The following CNTNAP2 variants were observed in gnomAD, a reference collection of about 807,000 sequenced individuals.
CNTNAP2 encodes the protein contactin associated protein 2.
A neutral mutation model predicts 155.2 loss-of-function variants in CNTNAP2; 98 were observed. The ratio of observed to expected loss-of-function variants is 0.63; its 90% CI spans 0.54 to 0.75. The LOEUF is 0.75. Ranked by LOEUF, CNTNAP2 falls within the 30% of genes least tolerant of loss-of-function variation. The pLI is 0.00. For missense variants in CNTNAP2, 1,727 were observed against 1,688.1 expected (o/e 1.02, Z -0.40); for synonymous variants, 651 against 631.2 (o/e 1.03, Z -0.47).
At chr7:147,582,003 G>T (rs954391684) in intron 12 of CNTNAP2, among the ~76,000 whole-genome samples, 2 of 152,064 alleles carry the variant, frequency 1.3e-5, no homozygotes, top group Admixed American at 1.3e-4. Flanking sequence ...AGAAGAAAAA[G>T]ATATAAAGAA....
chr7:148,365,886 GTA>G lies in CNTNAP2; in HGVS notation c.3476-17761_3476-17760del, dbSNP rs1222526056. ...CATGTATGTGTATGCATGTATACATGTATGTGTATGCATGTATACATGCGTGT... is the reference window on the plus strand; with the variant it reads ...CATGTATGTGTATGCATGTATACATGTGTGTATGCATGTATACATGCGTGT... On this transcript the variant is annotated intron_variant, in intron 21 of 23. Transcript: ENST00000361727. Among the ~76,000 whole-genome samples, 97 of 63,242 alleles carry G rather than the reference GTA, an allele frequency of 1.5e-3. 41 individuals carry two copies. Among genetic ancestry groups the G allele is most frequent in the African/African-American group, 2.3e-3 (38 of 16,492 alleles). The allele number at this position is 63,242 out of a possible 152,430, so 41.5% of individuals were successfully genotyped here. A position where few individuals can be genotyped will look rare whatever the true frequency, so the allele number is the denominator to read the frequency against.
At chr7:146,817,432 A>G (rs926497865) in intron 2 of CNTNAP2, among the ~76,000 whole-genome samples, 3 of 151,910 alleles carry the variant, frequency 2.0e-5, no homozygotes, top group African/African-American at 4.8e-5. Context: ...AGATCGTGCC[A>G]CTGCACTCCA....
intron 11 of CNTNAP2, among the ~76,000 whole-genome samples, chr7:147,519,261 A>G (rs528554497): frequency 6.6e-6 from 1 of 152,200 alleles, no homozygotes; most frequent in Admixed American, 6.5e-5. Flanking sequence ...TCCTGGGCTT[A>G]GGGCACTGGC....
intron 1 of CNTNAP2, among the ~76,000 whole-genome samples, chr7:146,354,754 A>G (rs1794973770): frequency 6.6e-6 from 1 of 152,124 alleles, no homozygotes; most frequent in South Asian, 2.1e-4. Context: ...ATAATCATAT[A>G]ATATAGTGGG....
At chr7:147,245,097 ATACT>A (rs1804026443) in intron 8 of CNTNAP2, among the ~76,000 whole-genome samples, 1 of 152,144 alleles carries the variant, frequency 6.6e-6, no homozygotes, top group African/African-American at 2.4e-5. Context: ...ACTTCCCCAA[ATACT>A]TAGACGACTT....
intron 1 of CNTNAP2, among the ~76,000 whole-genome samples, chr7:146,348,548 T>G (rs749758503): frequency 6.6e-6 from 1 of 152,156 alleles, no homozygotes; most frequent in Non-Finnish European, 1.5e-5. Flanking sequence ...TAATTTACAA[T>G]TAATTTATTC....
intron 14 of CNTNAP2, among the ~76,000 whole-genome samples, chr7:147,911,544 A>G (rs1170684029): frequency 6.6e-6 from 1 of 152,228 alleles, no homozygotes; most frequent in Non-Finnish European, 1.5e-5. Context: ...TGCACGTGGC[A>G]TAACTCAGGC....
intron 15 of CNTNAP2, among the ~76,000 whole-genome samples, chr7:148,082,496 G>A (rs189236808): frequency 2.0e-3 from 299 of 152,224 alleles, no homozygotes; most frequent in Non-Finnish European, 3.2e-3. Context: ...AGATAGAGGA[G>A]GAGTGTGGTC....
chr7:147,895,855 A>T (rs10480384), intron 13 of CNTNAP2, among the ~76,000 whole-genome samples: 2,606 of 152,374 alleles, frequency 0.017, 75 homozygotes, highest in African/African-American at 0.057. Flanking sequence ...TTTTAGTTAC[A>T]GTGATTTAAC....
Position 146,529,709 on chromosome 7 carries a change from G to A in CNTNAP2, c.98-244562G>A, listed in dbSNP as rs1166741939. 4.6e-5 allele frequency among the ~76,000 whole-genome samples: 7 copies of A among 152,114 alleles called. No individual in the cohort carries two copies. The East Asian group carries it at 1.4e-3, about 29-fold the overall frequency. On this transcript the variant is annotated intron_variant, in intron 1 of 23. Transcript: ENST00000361727. ...GGGCCGGGTGCGGTGGCTCATGTCT[G>A]TAATCCCAGCACTTTGGGAGTCTGA...
intron 13 of CNTNAP2, among the ~76,000 whole-genome samples, chr7:147,676,511 T>C (rs1394897693): frequency 6.6e-6 from 1 of 152,016 alleles, no homozygotes; most frequent in Non-Finnish European, 1.5e-5. Context: ...GTTATCATTT[T>C]TGTGGATATT....
At chr7:146,443,548 T>C (rs1044946577) in intron 1 of CNTNAP2, among the ~76,000 whole-genome samples, 1 of 152,228 alleles carries the variant, frequency 6.6e-6, no homozygotes, top group Non-Finnish European at 1.5e-5. Flanking sequence ...TTGCATTAAT[T>C]TTTTGTGTTA....
intron 9 of CNTNAP2, among the ~76,000 whole-genome samples, chr7:147,390,159 T>C (rs1796685649): frequency 6.6e-6 from 1 of 152,184 alleles, no homozygotes; most frequent in South Asian, 2.1e-4. Flanking sequence ...GGAGGTTCAG[T>C]ATCAGAGATC....
chr7:147,096,371 T>G (rs1800533772), intron 4 of CNTNAP2, among the ~76,000 whole-genome samples: 2 of 152,222 alleles, frequency 1.3e-5, no homozygotes, highest in Admixed American at 6.5e-5. Flanking sequence ...TTCCTGCATA[T>G]CATAAGTTAC....
chr7:147,924,733 C>T (rs899627491), intron 14 of CNTNAP2, among the ~76,000 whole-genome samples: 1 of 152,064 alleles, frequency 6.6e-6, no homozygotes, highest in East Asian at 1.9e-4. Flanking sequence ...GATGTAAGCC[C>T]AGTCTTAGAC....
intron 1 of CNTNAP2, among the ~76,000 whole-genome samples, chr7:146,178,329 G>T (rs868837804): frequency 1.3e-5 from 2 of 152,060 alleles, no homozygotes; most frequent in African/African-American, 2.4e-5. Flanking sequence ...TACTGCACCC[G>T]GCCTGGAACA....
chr7:146,253,210 CTA>C (rs1563009206), intron 1 of CNTNAP2, among the ~76,000 whole-genome samples: 1 of 152,214 alleles, frequency 6.6e-6, no homozygotes, highest in Non-Finnish European at 1.5e-5. Flanking sequence ...CTATACTCTA[CTA>C]TTTCACGCCT....
At chr7:147,646,222 A>G (rs1199221483) in intron 13 of CNTNAP2, among the ~76,000 whole-genome samples, 1 of 152,170 alleles carries the variant, frequency 6.6e-6, no homozygotes, top group African/African-American at 2.4e-5. Flanking sequence ...AGAAAATTCA[A>G]GGGTGACTCA....
At chr7:146,158,774 A>T (rs926362883) in intron 1 of CNTNAP2, among the ~76,000 whole-genome samples, 4 of 152,230 alleles carry the variant, frequency 2.6e-5, no homozygotes, top group African/African-American at 9.6e-5. Context: ...TGACTGGTGT[A>T]CCTGAAAATG....
Sources: gnomAD v4.1 joint callset for allele counts (sites outside exome capture counted in the v4.1 genomes callset) on GRCh38, gnomAD v4.1.1 for gene constraint, MANE v1.5 for transcripts, NCBI Gene and HGNC (gene_info 2026-07-23, HGNC 2026-07-21) for gene names.